Variants in FAM169A observed in about 807,000 individuals in gnomAD.
FAM169A encodes the protein soluble lamin-associated protein of 75 kDa.
FAM169A carries 24 observed loss-of-function variants against 75.7 expected under a neutral mutation model. That is an observed-to-expected ratio of 0.32 (90% CI 0.23 to 0.45). The LOEUF (loss-of-function observed/expected upper bound fraction) is 0.45. Among genes scored for constraint, FAM169A ranks in the 20% least tolerant of loss-of-function variants. The pLI is 1.00. For synonymous variants in FAM169A, 271 were observed against 271.0 expected, an observed-to-expected ratio of 1.00 and a Z score of 0.00; for missense variants, 673 against 784.0, an observed-to-expected ratio of 0.86 and a Z score of 1.69.
chr5:74,789,803 T>C (rs555881375), intron 11 of FAM169A, among the ~76,000 whole-genome samples: 2 of 152,340 alleles, frequency 1.3e-5, no homozygotes, highest in South Asian at 4.1e-4. Context: ...CATAGGTGAA[T>C]CGCAGTGGAG....
In FAM169A at chr5:74,841,791, TTC is replaced by T. The variant is rs1748880673; in HGVS notation, c.-3-114_-3-113del. 6.1e-6 allele frequency: 6 copies of T among 983,138 alleles called. No individual in the cohort carries two copies. In the South Asian group the frequency reaches 6.3e-5, roughly 10 times the overall value. 60.9% of individuals were successfully genotyped at this position (983,138 alleles called of 1,614,324 possible). A position where few individuals can be genotyped will look rare whatever the true frequency, so the allele number is the denominator to read the frequency against. On this transcript the variant is annotated intron_variant, in intron 1 of 12. Coordinates refer to ENST00000687041, the MANE Select transcript of FAM169A (RefSeq NM_001376049.1). The stretch of plus-strand genomic sequence containing the variant: ...GCCATATTTTGTTATAACAAGATTT[TTC>T]TGTTTCACTTTGCCCGCAGAATACA...
chr5:74,819,404 G>A, intron 5 of FAM169A, among the ~76,000 whole-genome samples: 1 of 152,186 alleles, frequency 6.6e-6, no homozygotes, highest in East Asian at 1.9e-4. Context: ...CAAATAGCAA[G>A]TGTTGGCTAA....
chr5:74,794,002 C>CA (rs1276485325), intron 11 of FAM169A, among the ~76,000 whole-genome samples: 3,427 of 50,310 alleles, frequency 0.068, 155 homozygotes, highest in African/African-American at 0.16. Flanking sequence ...GACTCCATCT[C>CA]AAAAAAAAAA....
chr5:74,791,802 G>A (rs375209752), intron 11 of FAM169A, among the ~76,000 whole-genome samples: 121 of 152,338 alleles, frequency 7.9e-4, no homozygotes, highest in African/African-American at 2.7e-3. Flanking sequence ...GACCCACTAA[G>A]GTGCTTGCTG....
intron 1 of FAM169A, among the ~76,000 whole-genome samples, chr5:74,856,738 A>G (rs1169396310): frequency 6.6e-6 from 1 of 151,588 alleles, no homozygotes; most frequent in Non-Finnish European, 1.5e-5. Flanking sequence ...CTAGGGAGGG[A>G]AAAACATCCC....
intron 1 of FAM169A, among the ~76,000 whole-genome samples, chr5:74,858,858 C>G (rs1233799094): frequency 6.6e-6 from 1 of 152,036 alleles, no homozygotes; most frequent in African/African-American, 2.4e-5. Context: ...AGAAGACAGC[C>G]TCTTAGTTTG....
At chr5:74,857,583 A>AG in intron 1 of FAM169A, among the ~76,000 whole-genome samples, 1 of 106,672 alleles carries the variant, frequency 9.4e-6, no homozygotes, top group African/African-American at 4.2e-5. Context: ...AAAAAAAAAA[A>AG]AAAAAAAAAA....
In FAM169A at chr5:74,779,087, G is replaced by A. The variant is rs561136634; in HGVS notation, c.*2373C>T. On this transcript the variant is annotated 3_prime_UTR_variant, in exon 13 of 13. Transcript: ENST00000687041. ...TTTCTGTCAGAGAGAATCTGTAACAGAAGTGTTCTTGTGTGCTGAACAAAA... is the reference window on the plus strand; with the variant it reads ...TTTCTGTCAGAGAGAATCTGTAACAAAAGTGTTCTTGTGTGCTGAACAAAA... The A allele has an allele frequency of 8.7e-4, 133 of 152,206 alleles. No homozygotes were observed. Among genetic ancestry groups the A allele is most frequent in the African/African-American group, 2.7e-3 (113 of 41,570 alleles). 9.4% of individuals were successfully genotyped at this position (152,206 alleles called of 1,614,324 possible).
At chr5:74,807,377 C>A (rs1316378854) in intron 6 of FAM169A, among the ~76,000 whole-genome samples, 1 of 152,164 alleles carries the variant, frequency 6.6e-6, no homozygotes, top group Non-Finnish European at 1.5e-5. Flanking sequence ...TGGTTGGTTG[C>A]CCTTGCGATC....
intron 4 of FAM169A, among the ~76,000 whole-genome samples, chr5:74,837,854 A>T (rs758769624): frequency 2.4e-4 from 37 of 152,096 alleles, no homozygotes; most frequent in Non-Finnish European, 1.5e-5. Context: ...GTGGTGGCTT[A>T]TGTCTGTAAT....
At chr5:74,835,287 C>G (rs4367279) in intron 4 of FAM169A, among the ~76,000 whole-genome samples, 46 of 152,182 alleles carry the variant, frequency 3.0e-4, no homozygotes, top group Non-Finnish European at 4.9e-4. Context: ...TCAGAACTTT[C>G]TGATATCAAA....
chr5:74,851,022 C>T (rs546203933), intron 1 of FAM169A, among the ~76,000 whole-genome samples: 34 of 151,684 alleles, frequency 2.2e-4, no homozygotes, highest in Non-Finnish European at 3.8e-4. Flanking sequence ...GCTCAACAAT[C>T]CTCGTACATC....
chr5:74,841,455 C>G, intron 2 of FAM169A, 90 bp downstream of exon 2: 2 of 982,820 alleles, frequency 2.0e-6, no homozygotes, highest in Non-Finnish European at 1.4e-6. Context: ...TAATGATTAA[C>G]ACTTAAAATG....
At chr5:74,858,910 T>C (rs1749890879) in intron 1 of FAM169A, among the ~76,000 whole-genome samples, 1 of 152,114 alleles carries the variant, frequency 6.6e-6, no homozygotes, top group African/African-American at 2.4e-5. Flanking sequence ...TTAATTATTT[T>C]CCATTTTTAA....
intron 11 of FAM169A, among the ~76,000 whole-genome samples, chr5:74,789,016 A>G (rs533842918): frequency 1.3e-5 from 2 of 152,332 alleles, no homozygotes; most frequent in East Asian, 3.9e-4. Context: ...CTTTTTCTCC[A>G]TTCCTGTCCA....
At chr5:74,799,031 G>C (rs1026955610) in intron 10 of FAM169A, 22 of 1,128,340 alleles carry the variant, frequency 1.9e-5, no homozygotes, top group Non-Finnish European at 2.7e-5. Flanking sequence ...CCAATCAACT[G>C]TCGTGCCTGA....
At chr5:74,845,076 A>C (rs1049162235) in intron 1 of FAM169A, among the ~76,000 whole-genome samples, 1 of 152,220 alleles carries the variant, frequency 6.6e-6, no homozygotes, top group Admixed American at 6.5e-5. Flanking sequence ...GAAACTGAAA[A>C]TCCAGAGAAA....
chr5:74,802,000 A>G (rs559960500), intron 8 of FAM169A, among the ~76,000 whole-genome samples: 1 of 148,176 alleles, frequency 6.7e-6, no homozygotes, highest in South Asian at 2.1e-4. Flanking sequence ...TTTATTTCCA[A>G]TGAAATATCT....
chr5:74,787,685 T>G (rs968940886), intron 11 of FAM169A, among the ~76,000 whole-genome samples: 3 of 152,248 alleles, frequency 2.0e-5, no homozygotes, highest in South Asian at 4.2e-4. Flanking sequence ...AAATGCAAGG[T>G]GGGCGAGCTA....
Sources: gnomAD v4.1 joint callset for allele counts (sites outside exome capture counted in the v4.1 genomes callset) on GRCh38, gnomAD v4.1.1 for gene constraint, MANE v1.5 for transcripts, NCBI Gene and HGNC (gene_info 2026-07-23, HGNC 2026-07-21) for gene names.